Variants in DOCK8 observed in about 807,000 individuals in gnomAD.
DOCK8 encodes dedicator of cytokinesis protein 8.
Under a neutral mutation model 245.6 loss-of-function variants are expected in DOCK8, and 141 were observed. The ratio of observed to expected loss-of-function variants is 0.57; its 90% CI spans 0.50 to 0.66. The LOEUF is 0.66. Ranked by LOEUF, DOCK8 falls within the 30% of genes least tolerant of loss-of-function variation. The probability of loss-of-function intolerance (pLI) is 0.00; values close to 1 mark genes in which losing one functional copy is unlikely to be tolerated. For synonymous variants in DOCK8, 1,168 were observed against 970.2 expected (o/e 1.20, Z -3.79); for missense variants, 2,965 against 2,603.4 (o/e 1.14, Z -3.02).
At chr9:395,878 A>G (rs1285007406) in intron 24 of DOCK8, among the ~76,000 whole-genome samples, 2 of 152,170 alleles carry the variant, frequency 1.3e-5, no homozygotes, top group African/African-American at 4.8e-5. Flanking sequence ...TAGATACGAT[A>G]TGTATATGTA....
At chr9:215,313 C>T (rs368633406) in intron 1 of DOCK8, 9 of 1,605,068 alleles carry the variant, frequency 5.6e-6, no homozygotes, top group East Asian at 2.3e-5. Context: ...CCGCTCCGCC[C>T]TCCAGGTTCT....
intron 18 of DOCK8, among the ~76,000 whole-genome samples, chr9:375,495 G>A (rs1416363332): frequency 1.3e-5 from 2 of 152,188 alleles, no homozygotes; most frequent in East Asian, 3.8e-4. Context: ...AAAATTTCAT[G>A]TCTTGTAAAG....
intron 14 of DOCK8, among the ~76,000 whole-genome samples, chr9:365,304 A>T (rs1396422813): frequency 6.6e-6 from 1 of 152,194 alleles, no homozygotes; most frequent in African/African-American, 2.4e-5. Flanking sequence ...GACAGGGACA[A>T]GGTAAGTTGG....
intron 36 of DOCK8, 63 bp downstream of exon 36, chr9:429,917 G>C: frequency 6.3e-7 from 1 of 1,588,644 alleles, no homozygotes; most frequent in Non-Finnish European, 8.6e-7. Flanking sequence ...TAAAGCATCA[G>C]CTGCGAAAAA....
intron 33 of DOCK8, 22 bp from the exon 34 acceptor site, chr9:426,863 T>G (rs772587966): frequency 6.2e-7 from 1 of 1,609,858 alleles, no homozygotes; most frequent in East Asian, 2.2e-5. Context: ...GCGCTTTAAT[T>G]TGACCTCTTG....
At chr9:291,997 GA>G (rs1195503930) in intron 4 of DOCK8, among the ~76,000 whole-genome samples, 17 of 146,032 alleles carry the variant, frequency 1.2e-4, no homozygotes, top group South Asian at 2.2e-4. Flanking sequence ...TTGAGCCCAG[GA>G]GGTCAAGGCT....
chr9:330,300 G>C (rs183210582), intron 9 of DOCK8, among the ~76,000 whole-genome samples: 2 of 152,074 alleles, frequency 1.3e-5, no homozygotes, highest in African/African-American at 2.4e-5. Flanking sequence ...TTGGTATGCC[G>C]TGCCCAATTT....
intron 1 of DOCK8, among the ~76,000 whole-genome samples, chr9:216,331 C>G (rs138869631): frequency 6.6e-6 from 1 of 151,878 alleles, no homozygotes; most frequent in Admixed American, 6.6e-5. Context: ...GAGTTTGAGA[C>G]CAGCCTGGGC....
In DOCK8 at chr9:399,204, T is replaced by C. The variant is rs750501992; in HGVS notation, c.3179T>C (p.Leu1060Pro). Residue 1060 changes from leucine (L) to proline (P), a missense_variant, in exon 26 of 48, where the codon CTC (leucine) becomes CCC (proline). This residue lies in a region of DOCK8 where 2,825 missense variants were observed against 2,453.5 expected (regional missense o/e 1.15). Transcript: ENST00000432829. ...ISLAFFLYDL[L>P]SLMDRGFVFN... ...CTGGCTTTCTTCTTGTATGACCTTC[T>C]CTCCCTCATGGATCGGGGCTTTGTG... 6.2e-7 allele frequency: 1 copy of C among 1,614,022 alleles called. No homozygotes were observed.
At chr9:456,837 T>C (rs913645718) in intron 46 of DOCK8, 7 of 152,360 alleles carry the variant, frequency 4.6e-5, no homozygotes, top group Admixed American at 6.5e-5. Flanking sequence ...TTTATACTTA[T>C]CTGGACTTTC....
At chr9:230,149 G>A (rs1001313894) in intron 1 of DOCK8, among the ~76,000 whole-genome samples, 2 of 147,484 alleles carry the variant, frequency 1.4e-5, no homozygotes, top group Non-Finnish European at 3.0e-5. Flanking sequence ...GTGAGAACAT[G>A]CGGTGTTTGG....
At chr9:389,852 CAAAAAAA>C (rs199732468) in intron 23 of DOCK8, among the ~76,000 whole-genome samples, 3 of 149,182 alleles carry the variant, frequency 2.0e-5, no homozygotes, top group Non-Finnish European at 3.0e-5. Context: ...CCATCTCTAC[CAAAAAAA>C]AAGAAAAAAG....
chr9:377,359 T>G (rs2053561760), intron 20 of DOCK8, 148 bp downstream of exon 20: 3 of 634,534 alleles, frequency 4.7e-6, no homozygotes, highest in Admixed American at 9.3e-5. Flanking sequence ...AGTCTTATGC[T>G]ATTTTTTTTT....
intron 10 of DOCK8, among the ~76,000 whole-genome samples, 177 bp from the exon 11 acceptor site, chr9:334,048 C>CTTCTGGT (rs3028563): frequency 4.5e-5 from 2 of 44,688 alleles, no homozygotes; most frequent in Admixed American, 5.3e-4. Flanking sequence ...ATCAGCTAGA[C>CTTCTGGT]CCAAGTGCAT....
At chr9:396,716 C>A (rs2054473851) in intron 24 of DOCK8, 69 bp from the exon 25 acceptor site, 2 of 1,594,078 alleles carry the variant, frequency 1.3e-6, no homozygotes, top group Admixed American at 1.7e-5. Flanking sequence ...TGAGTCTTTC[C>A]CCCTTTTCTG....
At chr9:238,371 T>C (rs1422337470) in intron 1 of DOCK8, among the ~76,000 whole-genome samples, 4 of 152,184 alleles carry the variant, frequency 2.6e-5, no homozygotes, top group Admixed American at 6.5e-5. Context: ...TGGGAATAAG[T>C]ACCACGTTTC....
At chr9:359,087 A>G (rs934190635) in intron 14 of DOCK8, among the ~76,000 whole-genome samples, 8 of 152,200 alleles carry the variant, frequency 5.3e-5, no homozygotes, top group Non-Finnish European at 1.2e-4. Flanking sequence ...GCTCCCAGGC[A>G]ATGCTATGCT....
Position 291,888 on chromosome 9 carries a change from G to A in DOCK8, c.404+2307G>A, listed in dbSNP as rs188635921. ...TCAAGACCAGCCTAGGCAATATACA[G>A]AGACCCCACCTCTAAAAAAATTTTT... On this transcript the variant is annotated intron_variant, in intron 4 of 47. Coordinates refer to ENST00000432829, the MANE Select transcript of DOCK8 (RefSeq NM_203447.4). Among the ~76,000 whole-genome samples the A allele has an allele frequency of 5.2e-3, 783 of 150,396 alleles. 9 individuals are homozygous for A. Among genetic ancestry groups the A allele is most frequent in the African/African-American group, 0.018 (753 of 41,052 alleles).
intron 10 of DOCK8, among the ~76,000 whole-genome samples, chr9:333,587 T>C (rs760617382): frequency 1.5e-3 from 221 of 144,610 alleles, no homozygotes; most frequent in Middle Eastern, 3.6e-3. Context: ...GGTGACAGAG[T>C]GAGACTCTGT....
Sources: allele counts gnomAD v4.1 joint callset (sites outside exome capture counted in the v4.1 genomes callset), GRCh38; gene constraint gnomAD v4.1.1; regional missense constraint gnomAD v4.1.1; transcripts MANE v1.5; gene names NCBI Gene and HGNC (gene_info 2026-07-23, HGNC 2026-07-21).